TNR: variants seen among roughly 807,000 people sequenced by gnomAD.
TNR encodes the protein tenascin R.
In TNR, 45 loss-of-function variants were observed where a neutral mutation model predicts 150.4. That is an observed-to-expected ratio of 0.30 (90% CI 0.24 to 0.38). The LOEUF (loss-of-function observed/expected upper bound fraction) is 0.38. TNR is among the 10% of genes least tolerant of loss of function. TNR has a pLI of 1.00. For synonymous variants in TNR, 687 were observed against 678.4 expected, an observed-to-expected ratio of 1.01 and a Z score of -0.20; for missense variants, 1,544 against 1,759.1, an observed-to-expected ratio of 0.88 and a Z score of 2.19.
At chr1:175,582,329 G>A (rs978388664) in intron 1 of TNR, among the ~76,000 whole-genome samples, 12 of 152,118 alleles carry the variant, frequency 7.9e-5, no homozygotes, top group Non-Finnish European at 1.0e-4. Context: ...CATTGTTTTC[G>A]TTTTAATATC....
chr1:175,709,113 G>A (rs920925908), intron 1 of TNR, among the ~76,000 whole-genome samples: 1 of 152,052 alleles, frequency 6.6e-6, no homozygotes, highest in Non-Finnish European at 1.5e-5. Flanking sequence ...GATCTTTGCT[G>A]TTGCCTTCTA....
chr1:175,544,180 T>C (rs1274679029), intron 1 of TNR, among the ~76,000 whole-genome samples: 2 of 152,146 alleles, frequency 1.3e-5, no homozygotes, highest in Non-Finnish European at 2.9e-5. Flanking sequence ...AGATCAGATT[T>C]TGGGGGAGAT....
At chr1:175,557,057 A>C (rs1661189505) in intron 1 of TNR, among the ~76,000 whole-genome samples, 1 of 152,176 alleles carries the variant, frequency 6.6e-6, no homozygotes, top group Non-Finnish European at 1.5e-5. Flanking sequence ...ATGTCTCCCC[A>C]CTGCCCAATA....
At chr1:175,618,192 T>G (rs537304740) in intron 1 of TNR, among the ~76,000 whole-genome samples, 2 of 152,364 alleles carry the variant, frequency 1.3e-5, no homozygotes, top group South Asian at 4.1e-4. Context: ...ATCTGGACCC[T>G]GTTTGTAAAT....
chr1:175,432,468 G>A lies in TNR; in HGVS notation c.-63-25691C>T, dbSNP rs978958998. ...CCCTAAGGATAGAAAACGGGCACCC[G>A]GTAACACCTGCATTACATTTTCCTT... On this transcript the variant is annotated intron_variant, in intron 2 of 22. Transcript: ENST00000367674. Among the ~76,000 whole-genome samples, 4 of 152,048 alleles carry A rather than the reference G, an allele frequency of 2.6e-5. No individual in the cohort carries two copies. In the South Asian group the frequency reaches 6.2e-4, roughly 24 times the overall value.
intron 18 of TNR, among the ~76,000 whole-genome samples, chr1:175,350,760 T>C (rs1651014833): frequency 2.6e-5 from 4 of 152,236 alleles, no homozygotes. Context: ...TTATTATTAC[T>C]TTTTGACATC....
At chr1:175,342,441 G>A (rs762819529) in intron 18 of TNR, among the ~76,000 whole-genome samples, 4 of 152,196 alleles carry the variant, frequency 2.6e-5, no homozygotes, top group Non-Finnish European at 5.9e-5. Context: ...AGCAAGAATT[G>A]GGTGGGATGG....
intron 1 of TNR, among the ~76,000 whole-genome samples, chr1:175,641,217 T>C (rs1664647027): frequency 1.3e-5 from 2 of 152,050 alleles, no homozygotes; most frequent in Admixed American, 6.5e-5. Flanking sequence ...CCTGGGGTCA[T>C]ACATACTAGC....
chr1:175,541,185 C>A (rs1386131035), intron 1 of TNR, among the ~76,000 whole-genome samples: 2 of 152,166 alleles, frequency 1.3e-5, no homozygotes, highest in Non-Finnish European at 2.9e-5. Context: ...CCTCCTTGTA[C>A]CATAAACTCT....
intron 1 of TNR, among the ~76,000 whole-genome samples, chr1:175,600,288 G>A (rs181740922): frequency 2.0e-5 from 3 of 152,240 alleles, no homozygotes; most frequent in East Asian, 3.9e-4. Context: ...GCTATTACTC[G>A]TATTATCATA....
chr1:175,636,553 G>T (rs561785159), intron 1 of TNR, among the ~76,000 whole-genome samples: 1 of 152,252 alleles, frequency 6.6e-6, no homozygotes, highest in Non-Finnish European at 1.5e-5. Context: ...GTAGACTAAA[G>T]ATCTTCCCCA....
chr1:175,400,560 T>C (rs998666160), intron 4 of TNR, among the ~76,000 whole-genome samples: 5 of 152,212 alleles, frequency 3.3e-5, no homozygotes, highest in African/African-American at 1.2e-4. Flanking sequence ...TCAAAAGTAG[T>C]GACCTTGGCA....
intron 21 of TNR, among the ~76,000 whole-genome samples, chr1:175,325,001 G>A (rs1184176420): frequency 6.6e-6 from 1 of 152,138 alleles, no homozygotes; most frequent in Non-Finnish European, 1.5e-5. Context: ...AGGCCACATG[G>A]GAAGAGGGGC....
At chr1:175,676,770 T>C (rs1300382207) in intron 1 of TNR, among the ~76,000 whole-genome samples, 1 of 152,192 alleles carries the variant, frequency 6.6e-6, no homozygotes, top group African/African-American at 2.4e-5. Flanking sequence ...CTTTCACATA[T>C]ATGGAACTCT....
intron 18 of TNR, among the ~76,000 whole-genome samples, chr1:175,338,917 C>A (rs1650381175): frequency 6.6e-6 from 1 of 152,214 alleles, no homozygotes; most frequent in South Asian, 2.1e-4. Flanking sequence ...CAGGACTGCC[C>A]TTCAACTTGC....
intron 1 of TNR, among the ~76,000 whole-genome samples, chr1:175,619,579 G>A (rs925563647): frequency 1.3e-5 from 2 of 152,194 alleles, no homozygotes; most frequent in African/African-American, 4.8e-5. Flanking sequence ...TGAAAAAAGA[G>A]TAAACCAATA....
chr1:175,657,419 G>A (rs1341174360), intron 1 of TNR, among the ~76,000 whole-genome samples: 1 of 151,940 alleles, frequency 6.6e-6, no homozygotes, highest in African/African-American at 2.4e-5. Flanking sequence ...CCCATTACTG[G>A]GTATATACCC....
At chr1:175,696,217 GTTT>G (rs5778870) in intron 1 of TNR, among the ~76,000 whole-genome samples, 4 of 40,458 alleles carry the variant, frequency 9.9e-5, no homozygotes, top group Non-Finnish European at 1.5e-4. Context: ...CCTTCCTGTA[GTTT>G]TTTTTTTTTT....
chr1:175,400,907 C>T (rs563814164), intron 4 of TNR, among the ~76,000 whole-genome samples: 3 of 152,166 alleles, frequency 2.0e-5, no homozygotes, highest in Non-Finnish European at 4.4e-5. Context: ...ACCTGTAGCA[C>T]TTGGTTTAAA....
Sources: gnomAD v4.1 joint callset for allele counts (sites outside exome capture counted in the v4.1 genomes callset) on GRCh38, gnomAD v4.1.1 for gene constraint, MANE v1.5 for transcripts, NCBI Gene and HGNC (gene_info 2026-07-23, HGNC 2026-07-21) for gene names.